ADGRG6: variants seen among roughly 807,000 people sequenced by gnomAD.
ADGRG6 encodes G-protein coupled receptor 126.
In ADGRG6, 84 loss-of-function variants were observed where a neutral mutation model predicts 142.4. That is an observed-to-expected ratio of 0.59 (90% CI 0.49 to 0.71). The LOEUF is 0.71. Among genes scored for constraint, ADGRG6 ranks in the 30% least tolerant of loss-of-function variants. The pLI, the probability that ADGRG6 is intolerant of heterozygous loss-of-function variation, is 0.00. For synonymous variants in ADGRG6, 521 were observed against 520.5 expected (o/e 1.00, Z -0.01); for missense variants, 1,367 against 1,466.6 (o/e 0.93, Z 1.11).
intron 7 of ADGRG6, among the ~76,000 whole-genome samples, chr6:142,390,923 A>G (rs1774862810): frequency 2.0e-5 from 3 of 151,802 alleles, no homozygotes; most frequent in Admixed American, 2.0e-4. Flanking sequence ...TCTATACCGT[A>G]CTTATTTTTA....
At chr6:142,318,016 TTA>T (rs1327124806) in intron 2 of ADGRG6, among the ~76,000 whole-genome samples, 6 of 50,652 alleles carry the variant, frequency 1.2e-4, no homozygotes, top group Admixed American at 3.9e-4. Flanking sequence ...AATATTTATG[TTA>T]TATATATTAT....
At chr6:142,329,570 C>T (rs1014094162) in intron 2 of ADGRG6, among the ~76,000 whole-genome samples, 7 of 152,020 alleles carry the variant, frequency 4.6e-5, no homozygotes, top group African/African-American at 1.2e-4. Flanking sequence ...ATTGTCACAA[C>T]GTGAGTGAAT....
At chr6:142,360,995 T>A (rs1780686428) in intron 2 of ADGRG6, among the ~76,000 whole-genome samples, 1 of 152,186 alleles carries the variant, frequency 6.6e-6, no homozygotes, top group Admixed American at 6.5e-5. Flanking sequence ...TATTTCCAAG[T>A]GGCCAAGGCA....
rs2115097314 is a variant in ADGRG6 at position 142,419,976 on chromosome 6, T to C, written c.3191T>C (p.Leu1064Ser). The C allele has an allele frequency of 6.2e-7, 1 of 1,613,526 alleles. No homozygotes were observed. The highest frequency in any genetic ancestry group is 1.3e-5 in the African/African-American group (1 of 74,982). The change falls in exon 22 of 25, where the codon TTA becomes TCA. Residue 1064 changes from leucine to serine, a missense_variant. Leu to Ser is a moderately radical substitution (Grantham distance 145, BLOSUM62 -2). Coordinates refer to ENST00000367609, the MANE Select transcript of ADGRG6 (RefSeq NM_198569.3). ...AACCGGACCCTGAGAGAAGAAGTGT[T>C]AAGGAACCTGCGCAGTGTGGTTAGC... ...RSNRTLREEVLRNLRSVVSLT... is the reference protein window; with the variant it reads ...RSNRTLREEVSRNLRSVVSLT...
chr6:142,410,283 A>AT (rs1223883082), intron 17 of ADGRG6, among the ~76,000 whole-genome samples: 1 of 152,128 alleles, frequency 6.6e-6, no homozygotes, highest in Non-Finnish European at 1.5e-5. Context: ...GGATTATTTG[A>AT]TATGTGTAAG....
At chr6:142,380,271 A>G (rs1385417760) in intron 4 of ADGRG6, among the ~76,000 whole-genome samples, 1 of 152,098 alleles carries the variant, frequency 6.6e-6, no homozygotes, top group Non-Finnish European at 1.5e-5. Flanking sequence ...AGGCATGTCC[A>G]ACCCTCTCTT....
At position 142,445,022 on chromosome 6, in the gene ADGRG6, G is replaced by A. The variant is rs1406186438; in HGVS notation, c.*1507G>A. On this transcript the variant is annotated 3_prime_UTR_variant, in exon 25 of 25. Coordinates refer to ENST00000367609, the MANE Select transcript of ADGRG6 (RefSeq NM_198569.3). Reference sequence around the variant, plus strand: ...CTGCACGAAAAACAGGTAGTTTGCAGTCTGAGATATGGGAGAGCTTTTAGG... The same window carrying A: ...CTGCACGAAAAACAGGTAGTTTGCAATCTGAGATATGGGAGAGCTTTTAGG... The A allele has an allele frequency of 2.0e-5, 3 of 152,186 alleles. No individual in the cohort carries two copies. The highest frequency in any genetic ancestry group is 7.2e-5 in the African/African-American group (3 of 41,456). 9.4% of individuals were successfully genotyped at this position (152,186 alleles called of 1,614,324 possible).
At chr6:142,304,983 T>G (rs1178051503) in intron 1 of ADGRG6, among the ~76,000 whole-genome samples, 1 of 152,104 alleles carries the variant, frequency 6.6e-6, no homozygotes, top group South Asian at 2.1e-4. Context: ...AAAAAAAAGC[T>G]TCAAGATCCA....
intron 22 of ADGRG6, among the ~76,000 whole-genome samples, chr6:142,425,040 A>T (rs1446427633): frequency 1.3e-5 from 2 of 152,214 alleles, no homozygotes; most frequent in Non-Finnish European, 2.9e-5. Context: ...AGGTATTAAA[A>T]GAAAACTCAT....
chr6:142,347,388 G>A (rs1174018151), intron 2 of ADGRG6, among the ~76,000 whole-genome samples: 1 of 152,162 alleles, frequency 6.6e-6, no homozygotes, highest in Non-Finnish European at 1.5e-5. Context: ...ATGTCAATTT[G>A]TTGATATATA....
chr6:142,403,914 A>T lies in ADGRG6; in HGVS notation c.2068A>T (p.Thr690Ser), dbSNP rs768465531. 21 of 1,610,958 alleles carry T rather than the reference A, an allele frequency of 1.3e-5. No homozygotes were observed. Among genetic ancestry groups the T allele is most frequent in the South Asian group, 3.3e-5 (3 of 90,924 alleles). ...ALSVSSLLPG[T>S]NAISNFSIGL... ...CAGCGTATCATCCCTGTTACCAGGG[A>T]CAAATGCAATTTCAAATTTTAGCAT... The change falls in exon 14 of 25, where the codon ACA becomes TCA. Residue 690 changes from threonine to serine, a missense_variant. Thr to Ser is a moderately conservative substitution (Grantham distance 58). This residue lies in a region of ADGRG6 where 286 missense variants were observed against 371.4 expected (regional missense o/e 0.77). Transcript: ENST00000367609.
chr6:142,405,459 A>G, intron 14 of ADGRG6: 1 of 629,162 alleles, frequency 1.6e-6, no homozygotes, highest in South Asian at 1.5e-5. Flanking sequence ...CTTAATTAAA[A>G]TCAATGCATT....
intron 2 of ADGRG6, among the ~76,000 whole-genome samples, chr6:142,323,149 A>G (rs180913004): frequency 1.3e-5 from 2 of 151,414 alleles, no homozygotes; most frequent in East Asian, 3.9e-4. Flanking sequence ...TGAAGACTGT[A>G]ATGAGAATGG....
intron 22 of ADGRG6, among the ~76,000 whole-genome samples, chr6:142,423,200 T>C (rs2115114426): frequency 7.0e-6 from 1 of 142,710 alleles, no homozygotes; most frequent in South Asian, 2.5e-4. Flanking sequence ...TTGGCTTTTG[T>C]TGCCATTGCT....
At chr6:142,415,452 C>A (rs955005914) in intron 19 of ADGRG6, among the ~76,000 whole-genome samples, 2 of 151,730 alleles carry the variant, frequency 1.3e-5, no homozygotes, top group African/African-American at 4.8e-5. Context: ...CATTAAAAAT[C>A]AAAAAGGTTC....
At position 142,367,549 on chromosome 6, in the gene ADGRG6, C is replaced by T; in HGVS notation, c.104-20C>T. On this transcript the variant is annotated intron_variant, in intron 2 of 24. Transcript: ENST00000367609. ...CTGAACCCAGCCCTTCTCTCTGTCT[C>T]TCTTTTGTCTGGCCAGCAGTGTGGG... is the stretch of plus-strand genomic sequence containing the variant. 2 of 1,601,808 alleles carry T rather than the reference C, an allele frequency of 1.2e-6. No homozygotes were observed. Among genetic ancestry groups the T allele is most frequent in the Non-Finnish European group, 1.7e-6 (2 of 1,170,868 alleles).
At chr6:142,315,869 A>AAAGC (rs1778035693) in intron 2 of ADGRG6, among the ~76,000 whole-genome samples, 1 of 139,648 alleles carries the variant, frequency 7.2e-6, no homozygotes, top group Non-Finnish European at 1.5e-5. Flanking sequence ...ATAAATAAAT[A>AAAGC]AAGCAAGGTT....
intron 20 of ADGRG6, 24 bp from the exon 21 acceptor site, chr6:142,417,249 T>C: frequency 1.6e-6 from 2 of 1,246,124 alleles, no homozygotes; most frequent in Non-Finnish European, 2.4e-6. Flanking sequence ...CAAAAGAGTT[T>C]GTGTCATGGT....
Position 142,445,287 on chromosome 6 carries a change from G to A in ADGRG6, c.*1772G>A, listed in dbSNP as rs1367805887. ...ATAAGGTCACTGAGATTCTAAGTAA[G>A]ATAGTAAATCTAAGGTCACTGAGCC... On this transcript the variant is annotated 3_prime_UTR_variant, in exon 25 of 25. Transcript: ENST00000367609. The A allele has an allele frequency of 6.6e-6, 1 of 152,126 alleles. No homozygotes were observed. The highest frequency in any genetic ancestry group is 2.1e-4 in the South Asian group (1 of 4,826). The allele number at this position is 152,126 out of a possible 1,614,324, so 9.4% of individuals were successfully genotyped here.
Sources: allele counts gnomAD v4.1 joint callset (sites outside exome capture counted in the v4.1 genomes callset), GRCh38; gene constraint gnomAD v4.1.1; regional missense constraint gnomAD v4.1.1; transcripts MANE v1.5; gene names NCBI Gene and HGNC (gene_info 2026-07-23, HGNC 2026-07-21).